Variants in CCDC187 observed in about 807,000 individuals in gnomAD.
CCDC187 encodes the protein coiled-coil domain-containing protein 187.
Under a neutral mutation model 38.0 loss-of-function variants are expected in CCDC187, and 32 were observed. The ratio of observed to expected loss-of-function variants is 0.84; its 90% CI spans 0.64 to 1.13. CCDC187 has a LOEUF of 1.13. Ranked by LOEUF, CCDC187 falls within the 50% of genes most tolerant of loss-of-function variation. The probability of loss-of-function intolerance (pLI) is 0.00; values close to 1 mark genes in which losing one functional copy is unlikely to be tolerated. For synonymous variants in CCDC187, 333 were observed against 347.9 expected (o/e 0.96, Z 0.48); for missense variants, 707 against 786.8 (o/e 0.90, Z 1.21).
At chr9:136,268,772 C>T (rs1350686053) in intron 14 of CCDC187, among the ~76,000 whole-genome samples, 1 of 152,078 alleles carries the variant, frequency 6.6e-6, no homozygotes, top group Admixed American at 6.5e-5. Flanking sequence ...TATGAAATAA[C>T]AGTTTTCCAG....
At position 136,255,014 on chromosome 9, in the gene CCDC187, G is replaced by A. The variant is rs1830595154; in HGVS notation, c.4814C>T (p.Pro1605Leu). Residue 1605 changes from proline to leucine, a missense_variant, in exon 26 of 26, where the codon CCT (proline) becomes CTT (leucine). Physicochemically the swap from Pro to Leu is moderately conservative, Grantham distance 98. Transcript: ENST00000638797. ...SESASGTCWGPSEEATVSSHT... is the reference protein window; with the variant it reads ...SESASGTCWGLSEEATVSSHT... ...GGATGACACCGTGGCTTCTTCCGAAGGCCCCCAGCAGGTTCCAGAAGCAGA... is the reference window on the plus strand; with the variant it reads ...GGATGACACCGTGGCTTCTTCCGAAAGCCCCCAGCAGGTTCCAGAAGCAGA... 1.0e-6 allele frequency: 1 copy of A among 985,494 alleles called. No homozygotes were observed. Among genetic ancestry groups the A allele is most frequent in the South Asian group, 4.7e-5 (1 of 21,286 alleles). 61.0% of individuals were successfully genotyped at this position (985,494 alleles called of 1,614,324 possible). A position where few individuals can be genotyped will look rare whatever the true frequency, so the allele number is the denominator to read the frequency against.
upstream of CCDC187, among the ~76,000 whole-genome samples, chr9:136,305,030 A>T (rs1266568136): frequency 1.3e-5 from 2 of 152,156 alleles, no homozygotes; most frequent in Admixed American, 1.3e-4. Context: ...CCCAGGGGAG[A>T]TTCCAAGCCA....
rs990288085 is a variant in CCDC187 at position 136,290,751 on chromosome 9, C to T, written c.1862G>A (p.Arg621Gln). ...GAGCCCCCGGGACCTGGGGCAGGGC[C>T]GCAGCGTGTCCTTCTCCTTCCCAAG... ...NPLGKEKDTL[R>Q]PCPRSRGLLG... Residue 621 changes from arginine to glutamine, a missense_variant, in exon 6 of 26, where the codon CGG becomes CAG. Transcript: ENST00000638797. 6 of 398,490 alleles carry T rather than the reference C, an allele frequency of 1.5e-5. No homozygotes were observed. The highest frequency in any genetic ancestry group is 4.1e-5 in the African/African-American group (2 of 48,754). The allele number at this position is 398,490 out of a possible 1,614,324, so 24.7% of individuals were successfully genotyped here.
chr9:136,261,835 G>A (rs902614021), intron 19 of CCDC187, among the ~76,000 whole-genome samples: 1 of 152,234 alleles, frequency 6.6e-6, no homozygotes, highest in Non-Finnish European at 1.5e-5. Context: ...GGCCCTGGGG[G>A]CCTGAGCTCA....
At chr9:136,259,750 T>C (rs990840972) in intron 20 of CCDC187, among the ~76,000 whole-genome samples, 1 of 152,140 alleles carries the variant, frequency 6.6e-6, no homozygotes, top group East Asian at 1.9e-4. Context: ...TGTGGGCCTG[T>C]GTTTCTGGGA....
At chr9:136,259,973 G>A in intron 20 of CCDC187, 146 bp downstream of exon 20, 1 of 625,806 alleles carries the variant, frequency 1.6e-6, no homozygotes, top group Non-Finnish European at 2.0e-6. Context: ...GAAACAGGGA[G>A]GCCGGGGTGG....
At chr9:136,261,566 A>C (rs1235557270) in intron 19 of CCDC187, among the ~76,000 whole-genome samples, 1 of 152,192 alleles carries the variant, frequency 6.6e-6, no homozygotes, top group Non-Finnish European at 1.5e-5. Flanking sequence ...GATTCCTGGG[A>C]CTGGCAACTG....
At chr9:136,275,551 T>G (rs1356118632) in intron 12 of CCDC187, among the ~76,000 whole-genome samples, 1 of 152,128 alleles carries the variant, frequency 6.6e-6, no homozygotes, top group African/African-American at 2.4e-5. Context: ...GTACCGTGGA[T>G]GTACTTCCCA....
In CCDC187 at chr9:136,254,522, T is replaced by C; in HGVS notation, c.5306A>G (p.Asp1769Gly). Reference sequence around the variant, plus strand: ...GGCCCCGGTACAGGGTTCTGGCAGGTCCTCCTCGCAGTCCTCCTCCCAAAC... The same window carrying C: ...GGCCCCGGTACAGGGTTCTGGCAGGCCCTCCTCGCAGTCCTCCTCCCAAAC... ...SKVWEEDCEE[D>G]LPEPCTGAKP... Residue 1769 changes from aspartate (D) to glycine (G), a missense_variant, in exon 26 of 26, where the codon GAC (aspartate) becomes GGC (glycine). Physicochemically the swap from Asp to Gly is moderately conservative, Grantham distance 94. Transcript: ENST00000638797. 1 of 985,342 alleles carries C rather than the reference T, an allele frequency of 1.0e-6. No individual in the cohort carries two copies. The highest frequency in any genetic ancestry group is 1.2e-6 in the Non-Finnish European group (1 of 829,896). 61.0% of individuals were successfully genotyped at this position (985,342 alleles called of 1,614,324 possible).
intron 2 of CCDC187, among the ~76,000 whole-genome samples, chr9:136,301,972 G>A (rs1278048712): frequency 6.6e-6 from 1 of 152,040 alleles, no homozygotes; most frequent in African/African-American, 2.4e-5. Flanking sequence ...AGCACTTTGG[G>A]AGGCCGAGGT....
intron 9 of CCDC187, among the ~76,000 whole-genome samples, chr9:136,285,301 G>A (rs1163484786): frequency 6.6e-6 from 1 of 152,120 alleles, no homozygotes; most frequent in Admixed American, 6.5e-5. Flanking sequence ...TCTGACGCGG[G>A]GCTTCCCTGC....
chr9:136,254,725 C>T lies in CCDC187; in HGVS notation c.5103G>A (p.Trp1701Ter), dbSNP rs1032940433. Residue 1701 changes from tryptophan to a stop codon, truncating the protein, a stop_gained, in exon 26 of 26, where the codon TGG becomes TGA. Transcript: ENST00000638797. LOFTEE classifies it low-confidence loss of function (END_TRUNC). ...GGCCCTGGGGCCTCTGCCAGGTCAC[C>T]CATCCTCCACCCCCAGGAGCACTGC... Reference protein sequence around the residue: ...RPGSAPGGGGWVTWQRPQGRR... With the variant: ...RPGSAPGGGG 4.1e-6 allele frequency: 4 copies of T among 985,412 alleles called. No individual in the cohort carries two copies. The highest frequency in any genetic ancestry group is 1.2e-4 in the Admixed American group (2 of 16,276). The allele number at this position is 985,412 out of a possible 1,614,324, so 61.0% of individuals were successfully genotyped here.
chr9:136,293,475 A>ACACACT (rs1436028656), intron 4 of CCDC187, among the ~76,000 whole-genome samples: 1 of 147,720 alleles, frequency 6.8e-6, no homozygotes, highest in Non-Finnish European at 1.5e-5. Context: ...TCACATGCTC[A>ACACACT]CACACTCACA....
intron 4 of CCDC187, among the ~76,000 whole-genome samples, chr9:136,293,473 T>G (rs1230481097): frequency 5.2e-5 from 7 of 134,972 alleles, no homozygotes; most frequent in African/African-American, 2.0e-4. Context: ...ACTCACATGC[T>G]CACACACTCA....
chr9:136,265,719 C>A (rs899262079), intron 17 of CCDC187: 28 of 153,762 alleles, frequency 1.8e-4, no homozygotes, highest in Non-Finnish European at 3.7e-4. Context: ...ACGAGGCCCC[C>A]AGAAGGCCGC....
chr9:136,285,791 T>G (rs1335610393), intron 8 of CCDC187, 185 bp from the exon 9 acceptor site: 1 of 396,942 alleles, frequency 2.5e-6, no homozygotes, highest in Non-Finnish European at 4.4e-6. Context: ...AAGGAGCCAC[T>G]GGAGCGGCCT....
At position 136,254,409 on chromosome 9, in the gene CCDC187, G is replaced by A. The variant is rs543995088; in HGVS notation, c.5419C>T (p.Arg1807Trp). Residue 1807 changes from arginine to tryptophan, a missense_variant, in exon 26 of 26, where the codon CGG becomes TGG. Coordinates refer to ENST00000638797, the MANE Select transcript of CCDC187 (RefSeq NM_001378188.1). ...GAAGCTTCCCGCCCCTCCCCGGACCGTGGGGAGGGAGGAGCCACCTGGGGC... is the reference window on the plus strand; with the variant it reads ...GAAGCTTCCCGCCCCTCCCCGGACCATGGGGAGGGAGGAGCCACCTGGGGC... ...VEPQVAPPSP[R>W]SGEGREASGT... The A allele has an allele frequency of 1.6e-5, 16 of 984,242 alleles. No individual in the cohort carries two copies. Among genetic ancestry groups the A allele is most frequent in the African/African-American group, 1.1e-4 (6 of 57,062 alleles). The allele number at this position is 984,242 out of a possible 1,614,324, so 61.0% of individuals were successfully genotyped here. A position where few individuals can be genotyped will look rare whatever the true frequency, so the allele number is the denominator to read the frequency against.
At chr9:136,277,125 G>T (rs1830947068) in intron 10 of CCDC187, among the ~76,000 whole-genome samples, 1 of 151,926 alleles carries the variant, frequency 6.6e-6, no homozygotes, top group African/African-American at 2.4e-5. Flanking sequence ...GGTCTGTCAT[G>T]CATTTGCCAT....
intron 16 of CCDC187, chr9:136,266,262 A>G (rs1288411544): frequency 6.5e-6 from 1 of 153,970 alleles, no homozygotes; most frequent in African/African-American, 2.4e-5. Context: ...CCTCACAGCC[A>G]CTTTTGGACT....
Sources: allele counts gnomAD v4.1 joint callset (sites outside exome capture counted in the v4.1 genomes callset), GRCh38; gene constraint gnomAD v4.1.1; transcripts MANE v1.5; gene names NCBI Gene and HGNC (gene_info 2026-07-23, HGNC 2026-07-21).